PLEKHG2: variants seen among roughly 807,000 people sequenced by gnomAD.
PLEKHG2 encodes the protein pleckstrin homology and RhoGEF domain containing G2.
In PLEKHG2, 71 loss-of-function variants were observed where a neutral mutation model predicts 104.4. The ratio of observed to expected loss-of-function variants is 0.68; its 90% CI spans 0.56 to 0.83. The LOEUF is 0.83. PLEKHG2 is among the 40% of genes least tolerant of loss of function. The pLI is 0.00. For synonymous variants in PLEKHG2, 728 were observed against 737.0 expected, an observed-to-expected ratio of 0.99 and a Z score of 0.20; for missense variants, 1,730 against 1,809.4, an observed-to-expected ratio of 0.96 and a Z score of 0.80.
rs1217799241 is a variant in PLEKHG2, at chr19:39,420,532, C to T, written c.1264-94C>T. The T allele has an allele frequency of 1.5e-5, 23 of 1,522,776 alleles. No homozygotes were observed. In the South Asian group the frequency reaches 2.6e-4, roughly 17 times the overall value. The allele number at this position is 1,522,776 out of a possible 1,614,324, so 94.3% of individuals were successfully genotyped here. A position where few individuals can be genotyped will look rare whatever the true frequency, so the allele number is the denominator to read the frequency against. The stretch of plus-strand genomic sequence containing the variant: ...GAGCAAGATCTAAAAACAAAAACAG[C>T]ACCCATTAATGGGCATGACTACGGT... On this transcript the variant is annotated intron_variant, in intron 11 of 18. Coordinates refer to ENST00000425673, the MANE Select transcript of PLEKHG2 (RefSeq NM_022835.3).
rs1046377598 is a variant in PLEKHG2 at position 39,426,167 on chromosome 19, T to C, written c.*873T>C. 1 of 152,260 alleles carries C rather than the reference T, an allele frequency of 6.6e-6. No individual in the cohort carries two copies. Among genetic ancestry groups the C allele is most frequent in the African/African-American group, 2.4e-5 (1 of 41,432 alleles). 9.4% of individuals were successfully genotyped at this position (152,260 alleles called of 1,614,324 possible). ...CTCCGGGGTCTTAGTACTATGATAC[T>C]TCAGAGACAATTCCATGCTGATACG... On this transcript the variant is annotated 3_prime_UTR_variant, in exon 19 of 19. Transcript: ENST00000425673.
Position 39,422,804 on chromosome 19 carries a change from C to G in PLEKHG2, c.1750C>G (p.Gln584Glu), listed in dbSNP as rs1388043339. 1 of 1,536,232 alleles carries G rather than the reference C, an allele frequency of 6.5e-7. No homozygotes were observed. Among genetic ancestry groups the G allele is most frequent in the African/African-American group, 1.4e-5 (1 of 72,250 alleles). The stretch of plus-strand genomic sequence containing the variant: ...TGGCGACAGCGAAACCCTCACATTC[C>G]AAGCCCTGCCCAGCCGGGACTCTTC... ...VPGDSETLTF[Q>E]ALPSRDSSEE... is the part of the protein sequence containing the mutation. Residue 584 changes from glutamine (Q) to glutamate (E), a missense_variant, in exon 18 of 19, where the codon CAA becomes GAA. By Grantham distance (29) the Gln-to-Glu change is conservative (BLOSUM62 2). Coordinates refer to ENST00000425673, the MANE Select transcript of PLEKHG2 (RefSeq NM_022835.3).
At position 39,424,149 on chromosome 19, in the gene PLEKHG2, CCTGAGCAGGGA is replaced by C. The variant is rs1568400095; in HGVS notation, c.3018_3028del (p.Glu1007LeufsTer19). ...ACCAGCTCCATCCACCGCCTTTTGT[CCTGAGCAGGGA>C]CACTGTGCGGACATCCACGTTCCCA... is the stretch of plus-strand genomic sequence containing the variant. On this transcript the variant is annotated frameshift_variant, in exon 19 of 19. Coordinates refer to ENST00000425673, the MANE Select transcript of PLEKHG2 (RefSeq NM_022835.3). LOFTEE classifies it low-confidence loss of function (END_TRUNC). 1 of 1,614,188 alleles carries C rather than the reference CCTGAGCAGGGA, an allele frequency of 6.2e-7. No individual in the cohort carries two copies. Among genetic ancestry groups the C allele is most frequent in the Non-Finnish European group, 8.5e-7 (1 of 1,180,034 alleles).
In PLEKHG2 at chr19:39,426,461, G is replaced by C. The variant is rs1018900982; in HGVS notation, c.*1167G>C. 1.3e-5 allele frequency: 2 copies of C among 152,250 alleles called. No individual in the cohort carries two copies. Among genetic ancestry groups the C allele is most frequent in the African/African-American group, 4.8e-5 (2 of 41,460 alleles). The allele number at this position is 152,250 out of a possible 1,614,324, so 9.4% of individuals were successfully genotyped here. A position where few individuals can be genotyped will look rare whatever the true frequency, so the allele number is the denominator to read the frequency against. ...GTTCCAGCAGTGGTATGCCCAGTGA[G>C]AGGCACAATTTAAACGGTTTCTTTG... On this transcript the variant is annotated 3_prime_UTR_variant, in exon 19 of 19. Coordinates refer to ENST00000425673, the MANE Select transcript of PLEKHG2 (RefSeq NM_022835.3).
chr19:39,423,216 T>C lies in PLEKHG2; in HGVS notation c.2162T>C (p.Leu721Pro), dbSNP rs200507787. 3.7e-6 allele frequency: 6 copies of C among 1,612,870 alleles called. No homozygotes were observed. The Admixed American group carries it at 8.3e-5, about 22-fold the overall frequency. Residue 721 changes from leucine to proline, a missense_variant, in exon 18 of 19, where the codon CTG becomes CCG. Leu to Pro is a moderately conservative substitution (Grantham distance 98, BLOSUM62 -3). Transcript: ENST00000425673. ...ELFSGSNPGK[L>P]GEPPSGGKAG... ...TTTTCTGGGAGCAATCCTGGGAAAC[T>C]GGGAGAGCCGCCTTCAGGAGGCAAG...
At position 39,423,963 on chromosome 19, in the gene PLEKHG2, T is replaced by C. The variant is rs2078742969; in HGVS notation, c.2830T>C (p.Ser944Pro). The change falls in exon 19 of 19, where the codon TCC (serine) becomes CCC (proline). Residue 944 changes from serine to proline, a missense_variant. Coordinates refer to ENST00000425673, the MANE Select transcript of PLEKHG2 (RefSeq NM_022835.3). Reference protein sequence around the residue: ...AATLLPEQGGSRHVQAPAATP... With the variant: ...AATLLPEQGGPRHVQAPAATP... ...TACCCTTTTGCCTGAGCAAGGAGGT[T>C]CCCGGCATGTCCAGGCTCCAGCCGC... 6.2e-7 allele frequency: 1 copy of C among 1,614,150 alleles called. No homozygotes were observed. The highest frequency in any genetic ancestry group is 8.5e-7 in the Non-Finnish European group (1 of 1,180,018).
Position 39,416,511 on chromosome 19 carries a change from C to T in PLEKHG2, c.547-40C>T, listed in dbSNP as rs547929714. On this transcript the variant is annotated intron_variant, in intron 5 of 18. Coordinates refer to ENST00000425673, the MANE Select transcript of PLEKHG2 (RefSeq NM_022835.3). This position sits in a 1 kb window ranked among gnomAD's most constrained non-coding sequence, Gnocchi z 4.5. ...AGGCTGGAAGGGGGGTCGTGGGAAGCCAGGACCTGGGGTCTCCCTGACTCC... is the reference window on the plus strand; with the variant it reads ...AGGCTGGAAGGGGGGTCGTGGGAAGTCAGGACCTGGGGTCTCCCTGACTCC... 10 of 1,613,390 alleles carry T rather than the reference C, an allele frequency of 6.2e-6. No individual in the cohort carries two copies. The highest frequency in any genetic ancestry group is 8.5e-6 in the Non-Finnish European group (10 of 1,179,628).
rs778614301 is a variant in PLEKHG2, at chr19:39,414,250, G to T, written c.109+55G>T. ...TGTGGGGCTTTTATTCCTTGGCAAT[G>T]CTGTCAAGGCAGGGTGATGGAGACA... is the stretch of plus-strand genomic sequence containing the variant. On this transcript the variant is annotated intron_variant, in intron 2 of 18. Transcript: ENST00000425673. 8 of 1,494,760 alleles carry T rather than the reference G, an allele frequency of 5.4e-6. No homozygotes were observed. In the South Asian group the frequency reaches 9.7e-5, roughly 18 times the overall value. 92.6% of individuals were successfully genotyped at this position (1,494,760 alleles called of 1,614,324 possible).
intron 11 of PLEKHG2, among the ~76,000 whole-genome samples, chr19:39,419,289 G>A (rs1394932687): frequency 6.6e-6 from 1 of 152,168 alleles, no homozygotes; most frequent in Non-Finnish European, 1.5e-5. Flanking sequence ...GCCACGTCAT[G>A]GGCTTGACCA....
intron 11 of PLEKHG2, among the ~76,000 whole-genome samples, chr19:39,419,874 T>C (rs2078670316): frequency 1.5e-5 from 2 of 136,634 alleles, no homozygotes; most frequent in South Asian, 2.4e-4. Context: ...AGTGAGCCTC[T>C]GTCTCAAAAA....
At position 39,421,318 on chromosome 19, in the gene PLEKHG2, T is replaced by C. The variant is rs2146005733; in HGVS notation, c.1503+19T>C. On this transcript the variant is annotated intron_variant, in intron 16 of 18. Transcript: ENST00000425673. Reference sequence around the variant, plus strand: ...ATTCAAGGTAAGAGATATCTCGAGATAGGGTCTGGGCACCTTGACTTCTGG... The same window carrying C: ...ATTCAAGGTAAGAGATATCTCGAGACAGGGTCTGGGCACCTTGACTTCTGG... 6.2e-7 allele frequency: 1 copy of C among 1,612,726 alleles called. No homozygotes were observed. Among genetic ancestry groups the C allele is most frequent in the Non-Finnish European group, 8.5e-7 (1 of 1,178,786 alleles).
Position 39,418,750 on chromosome 19 carries a change from T to C in PLEKHG2, c.1100T>C (p.Val367Ala). The change falls in exon 10 of 19, where the codon GTG becomes GCG. Residue 367 changes from valine to alanine, a missense_variant. By Grantham distance (64) the Val-to-Ala change is moderately conservative (BLOSUM62 0). Coordinates refer to ENST00000425673, the MANE Select transcript of PLEKHG2 (RefSeq NM_022835.3). ...TCCTTCCAGTGCTGCAACCTGAGCG[T>C]GAGCGAGAGTCCCCGAGACCCTCTA... ...KGHIFCCNLS[V>A]SESPRDPLGF... 1 of 1,612,948 alleles carries C rather than the reference T, an allele frequency of 6.2e-7. No homozygotes were observed. The highest frequency in any genetic ancestry group is 8.5e-7 in the Non-Finnish European group (1 of 1,179,190).
rs1486734353 is a variant in PLEKHG2 at position 39,412,748 on chromosome 19, C to G, written c.-687C>G. 1.3e-5 allele frequency: 2 copies of G among 152,148 alleles called. No individual in the cohort carries two copies. The highest frequency in any genetic ancestry group is 2.9e-5 in the Non-Finnish European group (2 of 68,030). 9.4% of individuals were successfully genotyped at this position (152,148 alleles called of 1,614,324 possible). A position where few individuals can be genotyped will look rare whatever the true frequency, so the allele number is the denominator to read the frequency against. On this transcript the variant is annotated 5_prime_UTR_variant, in exon 1 of 19. Transcript: ENST00000425673. ...AGGGGTCCAGAGGCTCGGACCCGGG[C>G]GTCCGGAATTTCTGCACCGCATCCT...
rs1426928310 is a variant in PLEKHG2 at position 39,415,856 on chromosome 19, C to T, written c.479+417C>T. Among the ~76,000 whole-genome samples, 4 of 152,174 alleles carry T rather than the reference C, an allele frequency of 2.6e-5. No homozygotes were observed. The highest frequency in any genetic ancestry group is 4.4e-5 in the Non-Finnish European group (3 of 68,034). Reference sequence around the variant, plus strand: ...ATATGGGGCCTGAAGGCCGAGACAGCGTGAGCATGCGAGTGACCCCCTAAG... The same window carrying T: ...ATATGGGGCCTGAAGGCCGAGACAGTGTGAGCATGCGAGTGACCCCCTAAG... On this transcript the variant is annotated intron_variant, in intron 4 of 18. Transcript: ENST00000425673. The surrounding 1 kb of genome is among the most constrained non-coding windows in gnomAD (Gnocchi z 4.6).
At chr19:39,423,700 G>C in intron 18 of PLEKHG2, 33 bp from the exon 19 acceptor site, 1 of 1,581,876 alleles carries the variant, frequency 6.3e-7, no homozygotes. Context: ...CGCTGGAGTA[G>C]TGGTCCTGAC....
Position 39,422,193 on chromosome 19 carries a change from G to A in PLEKHG2, c.1582G>A (p.Glu528Lys). Residue 528 changes from glutamate to lysine, a missense_variant, in exon 17 of 19, where the codon GAG (glutamate) becomes AAG (lysine). Glu to Lys is a moderately conservative substitution (Grantham distance 56). Transcript: ENST00000425673. The part of the protein sequence containing the change: ...VSGSAPPEDL[E>K]DAGPPTLDPS... ...AGGCTCTGCACCCCCTGAGGACCTG[G>A]AGGATGCTGGACCCCCAACACTGGA... 1 of 1,613,922 alleles carries A rather than the reference G, an allele frequency of 6.2e-7. No individual in the cohort carries two copies. Among genetic ancestry groups the A allele is most frequent in the Non-Finnish European group, 8.5e-7 (1 of 1,179,932 alleles).
chr19:39,424,233 G>A lies in PLEKHG2; in HGVS notation c.3100G>A (p.Val1034Ile), dbSNP rs552410096. 59 of 1,614,124 alleles carry A rather than the reference G, an allele frequency of 3.7e-5. 1 individual carries two copies. The East Asian group carries it at 6.0e-4, about 16-fold the overall frequency. Residue 1034 changes from valine to isoleucine, a missense_variant, in exon 19 of 19, where the codon GTC (valine) becomes ATC (isoleucine). By Grantham distance (29) the Val-to-Ile change is conservative. Transcript: ENST00000425673. ...GATTTGTTCTGATTTCACAGTTTCA[G>A]TCACCACCCCTGTGCCCAAGCAAGA... ...KEICSDFTVS[V>I]TTPVPKQEGH...
Position 39,416,592 on chromosome 19 carries a change from C to T in PLEKHG2, c.588C>T (p.Tyr196=), listed in dbSNP as rs760620550. The T allele has an allele frequency of 1.9e-6, 3 of 1,613,800 alleles. No individual in the cohort carries two copies. Among genetic ancestry groups the T allele is most frequent in the East Asian group, 2.2e-5 (1 of 44,882 alleles). Residue 196 remains tyrosine, a synonymous_variant, in exon 6 of 19, where the codon TAC becomes TAT. Coordinates refer to ENST00000425673, the MANE Select transcript of PLEKHG2 (RefSeq NM_022835.3). The surrounding 1 kb of genome is among the most constrained non-coding windows in gnomAD (Gnocchi z 4.5). ...FDIYTLYCMN[Y]PSSLALLREL... ...TCTACACATTGTACTGCATGAACTA[C>T]CCGAGGTGAGGGGCAGGAGCCCCTG...
Position 39,424,358 on chromosome 19 carries a change from C to T in PLEKHG2, c.3225C>T (p.Ile1075=). ...QGPDPVCSQP[I]QPLSWHGSSL... The stretch of plus-strand genomic sequence containing the variant: ...CAGACCCTGTCTGCAGTCAACCCAT[C>T]CAGCCTTTGTCTTGGCATGGAAGCA... The change falls in exon 19 of 19, where the codon ATC becomes ATT. Residue 1075 remains isoleucine, a synonymous_variant. Transcript: ENST00000425673. 6.2e-7 allele frequency: 1 copy of T among 1,614,174 alleles called. No individual in the cohort carries two copies. The highest frequency in any genetic ancestry group is 8.5e-7 in the Non-Finnish European group (1 of 1,180,026).
Sources: allele counts gnomAD v4.1 joint callset (sites outside exome capture counted in the v4.1 genomes callset), GRCh38; gene constraint gnomAD v4.1.1; non-coding constraint Gnocchi (gnomAD v3.1); transcripts MANE v1.5; gene names NCBI Gene and HGNC (gene_info 2026-07-23, HGNC 2026-07-21).